Variants in HELLS observed in about 807,000 individuals in gnomAD.
HELLS encodes lymphoid-specific helicase.
In HELLS, 32 loss-of-function variants were observed where a neutral mutation model predicts 120.0. The observed-to-expected ratio is 0.27, with a 90% confidence interval of 0.20 to 0.36. The LOEUF (loss-of-function observed/expected upper bound fraction) is 0.36. HELLS is among the 10% of genes least tolerant of loss of function. HELLS has a pLI of 1.00. For synonymous variants in HELLS, 341 were observed against 323.4 expected, an observed-to-expected ratio of 1.05 and a Z score of -0.58; for missense variants, 650 against 993.4, an observed-to-expected ratio of 0.65 and a Z score of 4.65.
chr10:94,597,097 G>A lies in HELLS; in HGVS notation c.2408G>A (p.Arg803Gln). Residue 803 changes from arginine to glutamine, a missense_variant, in exon 21 of 22, where the codon CGA (arginine) becomes CAA (glutamine). Transcript: ENST00000348459. Reference protein sequence around the residue: ...SDKDLELLLDRSDLIDQMNAS... With the variant: ...SDKDLELLLDQSDLIDQMNAS... ...AAAGATCTAGAGTTGTTGTTAGATC[G>A]AAGTGATCTTATTGGTAAGTATTAT... 6.3e-7 allele frequency: 1 copy of A among 1,586,110 alleles called. No homozygotes were observed. Among genetic ancestry groups the A allele is most frequent in the Non-Finnish European group, 8.7e-7 (1 of 1,155,846 alleles).
intron 21 of HELLS, among the ~76,000 whole-genome samples, chr10:94,598,882 C>CT (rs1845881054): frequency 6.6e-6 from 1 of 151,966 alleles, no homozygotes. Flanking sequence ...GAATTTTCAT[C>CT]TTTTTGCATG....
chr10:94,613,905 AT>A (rs1321616778), downstream of HELLS: 2 of 152,152 alleles, frequency 1.3e-5, no homozygotes, highest in Admixed American at 6.5e-5. Flanking sequence ...CTATGTGCTT[AT>A]GTTTTGACTG....
At chr10:94,586,131 AT>A (rs35159449) in intron 12 of HELLS, among the ~76,000 whole-genome samples, 1 of 150,976 alleles carries the variant, frequency 6.6e-6, no homozygotes, top group East Asian at 2.0e-4. Flanking sequence ...ATTTATTTTT[AT>A]TTTTTTGAGA....
At chr10:94,605,878 C>G (rs372072160), downstream of HELLS, among the ~76,000 whole-genome samples, 1 of 151,978 alleles carries the variant, frequency 6.6e-6, no homozygotes, top group Non-Finnish European at 1.5e-5. Context: ...CAATTCCCCC[C>G]GGCTTGGCCT....
chr10:94,561,278 A>G (rs989323285), intron 4 of HELLS, among the ~76,000 whole-genome samples: 5 of 151,942 alleles, frequency 3.3e-5, no homozygotes, highest in African/African-American at 1.2e-4. Context: ...AGCTAGCACA[A>G]CTGGCCTTAC....
intron 9 of HELLS, among the ~76,000 whole-genome samples, chr10:94,608,647 T>TTC (rs1404516872): frequency 1.3e-5 from 2 of 151,846 alleles, no homozygotes; most frequent in Non-Finnish European, 2.9e-5. Flanking sequence ...TTTTTTTTTT[T>TTC]CTTTTTCTTC....
In HELLS at chr10:94,600,262, G is replaced by T. The variant is rs564803776; in HGVS notation, c.2423-1266G>T. Among the ~76,000 whole-genome samples the T allele has an allele frequency of 3.5e-3, 523 of 150,224 alleles. 2 individuals are homozygous for T. The highest frequency in any genetic ancestry group is 0.012 in the African/African-American group (498 of 40,794). On this transcript the variant is annotated intron_variant, in intron 21 of 21. Coordinates refer to ENST00000348459, the MANE Select transcript of HELLS (RefSeq NM_018063.5). ...ATGGAGATTGTGCCACTGCACTCCA[G>T]CCTGGGTGACAGAGCGAGACTCTGT...
At chr10:94,575,436 TA>T (rs1844389129) in intron 9 of HELLS, among the ~76,000 whole-genome samples, 1 of 151,508 alleles carries the variant, frequency 6.6e-6, no homozygotes, top group South Asian at 2.1e-4. Flanking sequence ...TTATGAGAAA[TA>T]TATATATTCT....
chr10:94,609,409 C>T (rs1436170856), intron 9 of HELLS, among the ~76,000 whole-genome samples: 1 of 152,154 alleles, frequency 6.6e-6, no homozygotes, highest in African/African-American at 2.4e-5. Context: ...GGGTGATTCA[C>T]TTTCATAATC....
chr10:94,612,462 A>T (rs1846202570), exon 10 of HELLS: 1 of 152,204 alleles, frequency 6.6e-6, no homozygotes. Context: ...TTTTCCTCAT[A>T]TTCACAAGTG....
chr10:94,591,956 T>C (rs1845509632), intron 15 of HELLS, among the ~76,000 whole-genome samples: 2 of 152,196 alleles, frequency 1.3e-5, no homozygotes, highest in Non-Finnish European at 1.5e-5. Flanking sequence ...TTTGACATAA[T>C]TGTTTTCTTT....
intron 21 of HELLS, among the ~76,000 whole-genome samples, chr10:94,598,526 A>G (rs1845852999): frequency 6.6e-6 from 1 of 151,782 alleles, no homozygotes. Context: ...GTGTCATGAT[A>G]TCTTATTTTC....
At chr10:94,572,758 C>T (rs1844241471) in intron 7 of HELLS, among the ~76,000 whole-genome samples, 2 of 152,146 alleles carry the variant, frequency 1.3e-5, no homozygotes, top group South Asian at 4.1e-4. Flanking sequence ...TTTTCCCCCC[C>T]AAAGTAAACA....
intron 3 of HELLS, among the ~76,000 whole-genome samples, chr10:94,555,948 C>T (rs1843238778): frequency 1.3e-5 from 2 of 152,134 alleles, no homozygotes; most frequent in African/African-American, 4.8e-5. Context: ...TTATAATAAA[C>T]CAATAAACTT....
chr10:94,564,700 C>T (rs978591405), intron 6 of HELLS, among the ~76,000 whole-genome samples: 10 of 151,992 alleles, frequency 6.6e-5, no homozygotes, highest in Admixed American at 4.6e-4. Flanking sequence ...CTACAAGCTC[C>T]ACCTCCCATA....
chr10:94,589,689 T>C (rs1226488357), intron 13 of HELLS, among the ~76,000 whole-genome samples: 1 of 144,434 alleles, frequency 6.9e-6, no homozygotes, highest in Non-Finnish European at 1.5e-5. Flanking sequence ...ACTTTTTTTT[T>C]TTTTTTTTTT....
intron 6 of HELLS, among the ~76,000 whole-genome samples, chr10:94,563,596 C>T (rs951345889): frequency 1.3e-5 from 2 of 152,050 alleles, no homozygotes; most frequent in African/African-American, 4.8e-5. Flanking sequence ...AAGTGATCCT[C>T]CTACCTCAGC....
intron 11 of HELLS, 31 bp downstream of exon 11, chr10:94,581,553 C>A (rs201986170): frequency 3.3e-5 from 49 of 1,470,430 alleles, no homozygotes; most frequent in Non-Finnish European, 4.2e-5. Flanking sequence ...ATGATTTAAC[C>A]TCAAAAATCT....
At chr10:94,574,775 A>C in intron 9 of HELLS, 39 bp downstream of exon 9, 1 of 1,450,946 alleles carries the variant, frequency 6.9e-7, no homozygotes, top group Non-Finnish European at 9.6e-7. Flanking sequence ...ATAATTTTAC[A>C]TGTTTTCTTA....
Sources: allele counts gnomAD v4.1 joint callset (sites outside exome capture counted in the v4.1 genomes callset), GRCh38; gene constraint gnomAD v4.1.1; transcripts MANE v1.5; gene names NCBI Gene and HGNC (gene_info 2026-07-23, HGNC 2026-07-21).